The following KCND3 variants were observed in gnomAD, a reference collection of about 807,000 sequenced individuals.
KCND3 encodes the protein potassium voltage-gated channel subfamily D member 3.
Under a neutral mutation model 51.1 loss-of-function variants are expected in KCND3, and 9 were observed. The observed-to-expected ratio is 0.18, with a 90% CI of 0.11 to 0.31. The LOEUF is 0.31. Among genes scored for constraint, KCND3 ranks in the 10% least tolerant of loss-of-function variants. The pLI, the probability that KCND3 is intolerant of heterozygous loss-of-function variation, is 1.00. For missense variants in KCND3, 526 were observed against 903.8 expected (o/e 0.58, Z 5.36); for synonymous variants, 349 against 368.0 (o/e 0.95, Z 0.59).
chr1:111,928,245 A>G (rs938689827), intron 2 of KCND3, among the ~76,000 whole-genome samples: 1 of 152,218 alleles, frequency 6.6e-6, no homozygotes, highest in Admixed American at 6.5e-5. Context: ...AATACTTGTT[A>G]AATGAATGAG....
At chr1:111,858,873 C>T (rs1209701264) in intron 2 of KCND3, among the ~76,000 whole-genome samples, 6 of 152,238 alleles carry the variant, frequency 3.9e-5, no homozygotes, top group Non-Finnish European at 7.3e-5. Context: ...CAAATGAGGA[C>T]ACTCCTGCCT....
intron 2 of KCND3, among the ~76,000 whole-genome samples, chr1:111,894,405 TTCTC>T (rs770916494): frequency 5.3e-5 from 8 of 152,188 alleles, no homozygotes; most frequent in Non-Finnish European, 1.0e-4. Context: ...AAAGTTGTCT[TTCTC>T]TCCCACCCTA....
At chr1:111,779,094 C>A (rs1020493302) in intron 5 of KCND3, among the ~76,000 whole-genome samples, 10 of 152,286 alleles carry the variant, frequency 6.6e-5, no homozygotes, top group African/African-American at 2.4e-4. Flanking sequence ...CTAGGGTTTG[C>A]AGAGCACCTT....
chr1:111,787,534 G>A (rs949846658), intron 2 of KCND3, among the ~76,000 whole-genome samples: 6 of 152,162 alleles, frequency 3.9e-5, no homozygotes, highest in Admixed American at 1.3e-4. Context: ...CAGAGGCCTT[G>A]AAGTAGCAGG....
chr1:111,943,664 C>T lies in KCND3; in HGVS notation c.1106+37957G>A, dbSNP rs72981256. ...CTCTTGTGCATCACCTGGACAGTCC[C>T]GAGCCTAGATGGGAAGAGGCTGGTG... On this transcript the variant is annotated intron_variant, in intron 2 of 7. Transcript: ENST00000302127. 1.9e-3 allele frequency among the ~76,000 whole-genome samples: 290 copies of T among 152,246 alleles called. 1 individual carries two copies. The highest frequency in any genetic ancestry group is 6.5e-3 in the African/African-American group (269 of 41,544).
At chr1:111,983,236 C>A (rs1208176753) in intron 1 of KCND3, among the ~76,000 whole-genome samples, 2 of 152,206 alleles carry the variant, frequency 1.3e-5, no homozygotes, top group East Asian at 3.8e-4. Context: ...TTCACTCTTT[C>A]ACCCACTGGG....
intron 2 of KCND3, among the ~76,000 whole-genome samples, chr1:111,853,305 C>T (rs1667907398): frequency 6.6e-6 from 1 of 152,162 alleles, no homozygotes; most frequent in South Asian, 2.1e-4. Flanking sequence ...AACTAACTTT[C>T]AGGGTCGTTC....
intron 2 of KCND3, among the ~76,000 whole-genome samples, chr1:111,936,485 G>A (rs1250173167): frequency 6.6e-6 from 1 of 152,192 alleles, no homozygotes; most frequent in Non-Finnish European, 1.5e-5. Flanking sequence ...GGCATTCTAG[G>A]TAGAGGGAAC....
intron 2 of KCND3, among the ~76,000 whole-genome samples, chr1:111,975,027 C>A (rs534104847): frequency 6.6e-6 from 1 of 152,358 alleles, no homozygotes; most frequent in African/African-American, 2.4e-5. Context: ...TCCTCTGCTG[C>A]AGCTATCATA....
intron 2 of KCND3, among the ~76,000 whole-genome samples, chr1:111,917,905 G>T (rs1486221952): frequency 1.3e-5 from 2 of 152,208 alleles, no homozygotes; most frequent in Non-Finnish European, 2.9e-5. Flanking sequence ...TTTATGAGAA[G>T]GATGGTCCAG....
chr1:111,903,078 T>A (rs763752654), intron 2 of KCND3, among the ~76,000 whole-genome samples: 8 of 152,130 alleles, frequency 5.3e-5, no homozygotes. Flanking sequence ...CCAATATGCT[T>A]TGGGGCAGAA....
chr1:111,976,198 T>C (rs1376521957), intron 2 of KCND3, among the ~76,000 whole-genome samples: 3 of 152,168 alleles, frequency 2.0e-5, no homozygotes, highest in African/African-American at 7.2e-5. Flanking sequence ...AAAAACATCA[T>C]GGGTAGAGGG....
chr1:111,789,909 A>G (rs1362010187), intron 2 of KCND3, among the ~76,000 whole-genome samples: 1 of 152,126 alleles, frequency 6.6e-6, no homozygotes, highest in Non-Finnish European at 1.5e-5. Context: ...TGTGGATAGC[A>G]GTGTGGTTAG....
intron 2 of KCND3, among the ~76,000 whole-genome samples, chr1:111,850,909 C>A (rs1461506837): frequency 6.6e-6 from 1 of 152,192 alleles, no homozygotes; most frequent in African/African-American, 2.4e-5. Flanking sequence ...GTGGGGTTTA[C>A]TCTCTGTAAC....
intron 2 of KCND3, among the ~76,000 whole-genome samples, chr1:111,794,861 G>T (rs887305286): frequency 3.3e-5 from 5 of 152,180 alleles, no homozygotes; most frequent in African/African-American, 9.7e-5. Context: ...AGGAAACTGA[G>T]GCACAGAGTG....
intron 2 of KCND3, among the ~76,000 whole-genome samples, chr1:111,936,101 A>C (rs1348389868): frequency 6.6e-6 from 1 of 152,212 alleles, no homozygotes; most frequent in Non-Finnish European, 1.5e-5. Context: ...GTCACATTGC[A>C]TGCACAGACT....
intron 2 of KCND3, among the ~76,000 whole-genome samples, chr1:111,836,235 C>T: frequency 6.6e-6 from 1 of 152,190 alleles, no homozygotes; most frequent in African/African-American, 2.4e-5. Flanking sequence ...TCTGCCACAT[C>T]CCTGTCTGGA....
rs1449770401 is a variant in KCND3, at chr1:111,772,291, G to T, written c.*3786C>A. On this transcript the variant is annotated 3_prime_UTR_variant, in exon 8 of 8. Transcript: ENST00000302127. ...AGAAAATATTTGACTAAAAAAAATTGACTCTTCACTTGTTCACTGATTTCT... is the reference window on the plus strand; with the variant it reads ...AGAAAATATTTGACTAAAAAAAATTTACTCTTCACTTGTTCACTGATTTCT... 2 of 152,112 alleles carry T rather than the reference G, an allele frequency of 1.3e-5. No homozygotes were observed. Among genetic ancestry groups the T allele is most frequent in the Non-Finnish European group, 2.9e-5 (2 of 68,016 alleles). 9.4% of individuals were successfully genotyped at this position (152,112 alleles called of 1,614,324 possible).
intron 2 of KCND3, among the ~76,000 whole-genome samples, chr1:111,894,388 C>T (rs1669997102): frequency 6.6e-6 from 1 of 152,190 alleles, no homozygotes; most frequent in Non-Finnish European, 1.5e-5. Flanking sequence ...CCTCATAACC[C>T]TGGTTTAAAG....
Sources: gnomAD v4.1 joint callset for allele counts (sites outside exome capture counted in the v4.1 genomes callset) on GRCh38, gnomAD v4.1.1 for gene constraint, MANE v1.5 for transcripts, NCBI Gene and HGNC (gene_info 2026-07-23, HGNC 2026-07-21) for gene names.